The following HSPA4 variants were observed in gnomAD, a reference collection of about 807,000 sequenced individuals.
HSPA4 encodes heat shock 70 kDa protein 4.
In HSPA4, 25 loss-of-function variants were observed where a neutral mutation model predicts 106.2. That is an observed-to-expected ratio of 0.24 (90% CI 0.17 to 0.33). The LOEUF is 0.33. HSPA4 is among the 10% of genes least tolerant of loss of function. The pLI is 1.00. For synonymous variants in HSPA4, 332 were observed against 333.6 expected (o/e 1.00, Z 0.05); for missense variants, 841 against 996.0 (o/e 0.84, Z 2.10).
In HSPA4 at chr5:133,076,694, A is replaced by G. The variant is rs745925489; in HGVS notation, c.704A>G (p.Lys235Arg). The change falls in exon 7 of 19, where the codon AAA becomes AGA. Residue 235 changes from lysine (K) to arginine (R), a missense_variant. Lys to Arg is a conservative substitution (Grantham distance 26, BLOSUM62 2). Transcript: ENST00000304858. ...TAFDTTLGGRKFDEVLVNHFC... is the reference protein window; with the variant it reads ...TAFDTTLGGRRFDEVLVNHFC... ...TTTGACACGACATTGGGAGGTAGAAAATTTGATGAAGTGTTAGTAAATCAC... is the reference window on the plus strand; with the variant it reads ...TTTGACACGACATTGGGAGGTAGAAGATTTGATGAAGTGTTAGTAAATCAC... 1.2e-6 allele frequency: 2 copies of G among 1,613,678 alleles called. No homozygotes were observed. Among genetic ancestry groups the G allele is most frequent in the Non-Finnish European group, 1.7e-6 (2 of 1,179,680 alleles).
At chr5:133,070,986 T>C (rs1285949703) in intron 4 of HSPA4, among the ~76,000 whole-genome samples, 1 of 152,214 alleles carries the variant, frequency 6.6e-6, no homozygotes, top group Admixed American at 6.5e-5. Flanking sequence ...TCCTTTGTTA[T>C]TCTGCCTATT....
chr5:133,073,253 A>C lies in HSPA4; in HGVS notation c.453A>C (p.Ala151=), dbSNP rs145291096. The C allele has an allele frequency of 1.3e-4, 211 of 1,607,666 alleles. No individual in the cohort carries two copies. Among genetic ancestry groups the C allele is most frequent in the Non-Finnish European group, 1.7e-4 (198 of 1,176,744 alleles). The part of the protein sequence containing the change: ...VVSVPCFYTD[A]ERRSVMDATQ... ...AGGTTCCTTGTTTCTATACTGATGC[A>C]GAAAGACGATCAGTGATGGATGCAA... The change falls in exon 5 of 19, where the codon GCA becomes GCC. Residue 151 remains alanine (A), a synonymous_variant. Transcript: ENST00000304858.
intron 6 of HSPA4, among the ~76,000 whole-genome samples, chr5:133,075,689 A>G (rs574379756): frequency 1.3e-5 from 2 of 151,834 alleles, no homozygotes; most frequent in Non-Finnish European, 2.9e-5. Context: ...AATTAGCTGG[A>G]TGTGGTGATG....
chr5:133,064,901 A>C (rs1017312411), intron 1 of HSPA4, 79 bp from the exon 2 acceptor site: 83 of 1,169,688 alleles, frequency 7.1e-5, no homozygotes, highest in Non-Finnish European at 9.8e-5. Context: ...TTTAGCTGAT[A>C]CTCAGATCTT....
At chr5:133,099,998 T>A (rs554025352) in intron 16 of HSPA4, among the ~76,000 whole-genome samples, 2 of 152,294 alleles carry the variant, frequency 1.3e-5, no homozygotes, top group African/African-American at 4.8e-5. Flanking sequence ...GTAGTTTGGA[T>A]TCTTGATAAA....
chr5:133,092,075 G>T (rs1054569062), intron 12 of HSPA4, among the ~76,000 whole-genome samples: 4 of 152,066 alleles, frequency 2.6e-5, no homozygotes, highest in African/African-American at 9.7e-5. Flanking sequence ...CAAATGCTTG[G>T]GTTTCATCCC....
chr5:133,053,871 G>T (rs572367514), intron 1 of HSPA4, among the ~76,000 whole-genome samples: 12 of 151,986 alleles, frequency 7.9e-5, no homozygotes, highest in Non-Finnish European at 5.9e-5. Context: ...AGTTGCCCAG[G>T]CTGGTCTCGA....
At chr5:133,085,157 A>G (rs1276491278) in intron 7 of HSPA4, among the ~76,000 whole-genome samples, 2 of 150,462 alleles carry the variant, frequency 1.3e-5, no homozygotes, top group Non-Finnish European at 1.5e-5. Flanking sequence ...TTTTTTTTTT[A>G]GTATGTTCGT....
intron 2 of HSPA4, among the ~76,000 whole-genome samples, chr5:133,066,495 C>T (rs912496927): frequency 1.3e-5 from 2 of 152,132 alleles, no homozygotes; most frequent in African/African-American, 4.8e-5. Context: ...ATCCAAAAAT[C>T]ATATAGACAT....
chr5:133,077,229 G>A (rs1234998038), intron 7 of HSPA4, among the ~76,000 whole-genome samples: 1 of 152,112 alleles, frequency 6.6e-6, no homozygotes, highest in African/African-American at 2.4e-5. Context: ...TTTACCCAGT[G>A]ACTAAGAAAT....
intron 4 of HSPA4, among the ~76,000 whole-genome samples, chr5:133,071,110 A>C (rs1277384627): frequency 6.6e-6 from 1 of 151,786 alleles, no homozygotes; most frequent in Non-Finnish European, 1.5e-5. Flanking sequence ...AATTAGTTGG[A>C]TACCCCTAAT....
Position 133,052,221 on chromosome 5 carries a change from C to T in HSPA4, c.-30C>T, listed in dbSNP as rs1200214885. ...CGTGTCCTGTCTCGGTGGCCGGACC[C>T]GGGCCCGAGCCCGAGCAGTAGCCGG... On this transcript the variant is annotated 5_prime_UTR_variant, in exon 1 of 19. Coordinates refer to ENST00000304858, the MANE Select transcript of HSPA4 (RefSeq NM_002154.4). The T allele has an allele frequency of 5.3e-6, 8 of 1,504,018 alleles. No individual in the cohort carries two copies. Among genetic ancestry groups the T allele is most frequent in the South Asian group, 1.2e-5 (1 of 84,814 alleles). The allele number at this position is 1,504,018 out of a possible 1,614,324, so 93.2% of individuals were successfully genotyped here. A position where few individuals can be genotyped will look rare whatever the true frequency, so the allele number is the denominator to read the frequency against.
chr5:133,059,222 C>T lies in HSPA4; in HGVS notation c.108-5758C>T, dbSNP rs555622707. ...CAGCACTTCGGGAGGCCAAGGCGGGCGGTTCGCCTGAGGTCAGGAGTTTGA... is the reference window on the plus strand; with the variant it reads ...CAGCACTTCGGGAGGCCAAGGCGGGTGGTTCGCCTGAGGTCAGGAGTTTGA... On this transcript the variant is annotated intron_variant, in intron 1 of 18. Transcript: ENST00000304858. Among the ~76,000 whole-genome samples, 745 of 151,414 alleles carry T rather than the reference C, an allele frequency of 4.9e-3. 15 individuals carry two copies. The highest frequency in any genetic ancestry group is 7.2e-3 in the East Asian group (37 of 5,136).
Position 133,096,117 on chromosome 5 carries a change from A to G in HSPA4, c.1670A>G (p.Lys557Arg), listed in dbSNP as rs1482072272. The G allele has an allele frequency of 1.9e-6, 3 of 1,613,916 alleles. No individual in the cohort carries two copies. The highest frequency in any genetic ancestry group is 1.6e-4 in the Middle Eastern group (1 of 6,062). The change falls in exon 14 of 19, where the codon AAG becomes AGG. Residue 557 changes from lysine to arginine, a missense_variant. Lys to Arg is a conservative substitution (Grantham distance 26). Coordinates refer to ENST00000304858, the MANE Select transcript of HSPA4 (RefSeq NM_002154.4). ...EEMETSQAGS[K>R]DKKMDQPPQA... ...TTTTAGACCTCTCAAGCTGGATCCA[A>G]GGATAAAAAGATGGACCAACCACCC...
intron 1 of HSPA4, among the ~76,000 whole-genome samples, chr5:133,053,230 C>T (rs1765105416): frequency 6.6e-6 from 1 of 151,804 alleles, no homozygotes; most frequent in Non-Finnish European, 1.5e-5. Flanking sequence ...ACAGTGTCTG[C>T]CTTTTGAATA....
intron 3 of HSPA4, 113 bp downstream of exon 3, chr5:133,067,670 C>A: frequency 1.1e-6 from 1 of 923,016 alleles, no homozygotes; most frequent in Non-Finnish European, 1.6e-6. Flanking sequence ...CTTACAGTTG[C>A]TTAGGGAAAG....
intron 7 of HSPA4, among the ~76,000 whole-genome samples, chr5:133,078,977 G>A (rs1561580927): frequency 6.6e-6 from 1 of 152,124 alleles, no homozygotes; most frequent in Non-Finnish European, 1.5e-5. Flanking sequence ...CAAGTGATCT[G>A]CCTGCCTTAG....
intron 7 of HSPA4, among the ~76,000 whole-genome samples, 153 bp downstream of exon 7, chr5:133,077,051 TTATGTAAAG>T (rs1765454510): frequency 6.6e-6 from 1 of 152,240 alleles, no homozygotes; most frequent in East Asian, 1.9e-4. Context: ...ACCCTGCTTT[TTATGTAAAG>T]TTGGGTCTGG....
chr5:133,094,112 G>A (rs565976182), intron 13 of HSPA4, among the ~76,000 whole-genome samples: 1 of 152,024 alleles, frequency 6.6e-6, no homozygotes, highest in Non-Finnish European at 1.5e-5. Flanking sequence ...TTTAAATAAT[G>A]GAATAATGGA....
Sources: gnomAD v4.1 joint callset for allele counts (sites outside exome capture counted in the v4.1 genomes callset) on GRCh38, gnomAD v4.1.1 for gene constraint, MANE v1.5 for transcripts, NCBI Gene and HGNC (gene_info 2026-07-23, HGNC 2026-07-21) for gene names.